FUT8: variants seen among roughly 807,000 people sequenced by gnomAD.
FUT8 encodes alpha-(1,6)-fucosyltransferase.
FUT8 carries 29 observed loss-of-function variants against 71.3 expected under a neutral mutation model. That is an observed-to-expected ratio of 0.41 (90% confidence interval 0.30 to 0.55). FUT8 has a LOEUF of 0.55. FUT8 is among the 20% of genes least tolerant of loss of function. The pLI, the probability that FUT8 is intolerant of heterozygous loss-of-function variation, is 0.34. For missense variants in FUT8, 544 were observed against 702.1 expected, an observed-to-expected ratio of 0.77 and a Z score of 2.55; for synonymous variants, 254 against 239.3, an observed-to-expected ratio of 1.06 and a Z score of -0.57.
At chr14:65,641,803 G>A (rs1031855576) in intron 6 of FUT8, among the ~76,000 whole-genome samples, 10 of 142,726 alleles carry the variant, frequency 7.0e-5, no homozygotes, top group African/African-American at 2.6e-4. Flanking sequence ...CTTTTCATAT[G>A]CATATTTTCA....
chr14:65,384,274 G>A, the FUT8 span, among the ~76,000 whole-genome samples: 1 of 151,964 alleles, frequency 6.6e-6, no homozygotes, highest in East Asian at 1.9e-4. The surrounding 1 kb of genome is among the most constrained non-coding windows in gnomAD (Gnocchi z 4.2). Context: ...TTTGAGATAG[G>A]GTCTTGCTCT....
intron 7 of FUT8, among the ~76,000 whole-genome samples, chr14:65,690,926 A>G (rs1893548379): frequency 6.6e-6 from 1 of 151,960 alleles, no homozygotes; most frequent in Non-Finnish European, 1.5e-5. Flanking sequence ...GGGTTTCACC[A>G]TGTTGGCCAG....
intron 3 of FUT8, among the ~76,000 whole-genome samples, chr14:65,614,297 A>G (rs1889168161): frequency 6.6e-6 from 1 of 152,228 alleles, no homozygotes; most frequent in African/African-American, 2.4e-5. Context: ...ATTTATTGCC[A>G]GACACTGCTA....
At chr14:65,488,929 A>G (rs2066446261) in intron 2 of FUT8, among the ~76,000 whole-genome samples, 1 of 150,634 alleles carries the variant, frequency 6.6e-6, no homozygotes, top group Non-Finnish European at 1.5e-5. Flanking sequence ...ACCAACTTGA[A>G]TAGAAAAAAA....
chr14:65,577,899 A>G (rs1886878772), intron 3 of FUT8, among the ~76,000 whole-genome samples: 1 of 152,134 alleles, frequency 6.6e-6, no homozygotes, highest in Non-Finnish European at 1.5e-5. Context: ...TTTAAAACTG[A>G]TGCTTCTAAA....
At chr14:65,735,341 A>G (rs1170165658) in intron 10 of FUT8, among the ~76,000 whole-genome samples, 1 of 152,048 alleles carries the variant, frequency 6.6e-6, no homozygotes, top group African/African-American at 2.4e-5. Flanking sequence ...GCTTGAGGAG[A>G]ATATTGTTCT....
At chr14:65,508,371 A>G (rs1406538845) in intron 2 of FUT8, among the ~76,000 whole-genome samples, 1 of 151,308 alleles carries the variant, frequency 6.6e-6, no homozygotes, top group Non-Finnish European at 1.5e-5. Context: ...TGCCCGGCCG[A>G]ACACTTTTTC....
the FUT8 span, among the ~76,000 whole-genome samples, chr14:65,399,315 T>TA: frequency 1.5e-4 from 22 of 149,154 alleles, no homozygotes; most frequent in African/African-American, 4.7e-4. Flanking sequence ...AGACTCCATC[T>TA]AAAAAAAAAA....
intron 2 of FUT8, among the ~76,000 whole-genome samples, chr14:65,548,755 G>T (rs561322451): frequency 6.6e-6 from 1 of 152,074 alleles, no homozygotes; most frequent in Non-Finnish European, 1.5e-5. Context: ...TAAAAATTTT[G>T]CTGTGTGCAA....
At chr14:65,629,829 TACACACAC>T (rs3079115) in intron 6 of FUT8, among the ~76,000 whole-genome samples, 36 of 148,098 alleles carry the variant, frequency 2.4e-4, no homozygotes, top group East Asian at 3.9e-4. Context: ...CTTACACACG[TACACACAC>T]ACACACACAC....
At chr14:65,407,509 C>T (rs976183502), upstream of FUT8, among the ~76,000 whole-genome samples, 1 of 152,070 alleles carries the variant, frequency 6.6e-6, no homozygotes, top group African/African-American at 2.4e-5. Flanking sequence ...GCTATGGTTG[C>T]CCAGCCTGGT....
intron 8 of FUT8, 64 bp downstream of exon 8, chr14:65,722,085 AT>A: frequency 1.3e-6 from 2 of 1,561,210 alleles, no homozygotes; most frequent in Non-Finnish European, 1.7e-6. Flanking sequence ...TATCTTTACA[AT>A]ATATTGTGAA....
At chr14:65,378,114 T>C in the FUT8 span, among the ~76,000 whole-genome samples, 1 of 152,250 alleles carries the variant, frequency 6.6e-6, no homozygotes, top group Non-Finnish European at 1.5e-5. Context: ...ACTGTAATTC[T>C]ACAACTCTTA....
intron 7 of FUT8, among the ~76,000 whole-genome samples, chr14:65,717,523 G>A: frequency 8.3e-6 from 1 of 120,730 alleles, no homozygotes; most frequent in East Asian, 2.6e-4. Context: ...CCCAGACGAA[G>A]GGCGGCCGGG....
the FUT8 span, among the ~76,000 whole-genome samples, chr14:65,369,100 T>G: frequency 7.9e-5 from 12 of 152,236 alleles, no homozygotes; most frequent in African/African-American, 2.7e-4. The surrounding 1 kb of genome is among the most constrained non-coding windows in gnomAD (Gnocchi z 4.6). Context: ...ATATTTTACG[T>G]GTAGAGCACT....
At chr14:65,594,000 G>A (rs1887829505) in intron 3 of FUT8, among the ~76,000 whole-genome samples, 1 of 152,220 alleles carries the variant, frequency 6.6e-6, no homozygotes, top group African/African-American at 2.4e-5. Flanking sequence ...ATGAGCCACT[G>A]CTCCCGGCCT....
At chr14:65,385,107 C>T in the FUT8 span, among the ~76,000 whole-genome samples, 13 of 151,576 alleles carry the variant, frequency 8.6e-5, no homozygotes, top group South Asian at 2.1e-3. Context: ...TTATGTTGGT[C>T]GGGCTGGTCT....
chr14:65,462,973 C>G (rs1355698679), intron 2 of FUT8, among the ~76,000 whole-genome samples: 1 of 152,172 alleles, frequency 6.6e-6, no homozygotes, highest in African/African-American at 2.4e-5. Flanking sequence ...CTGTATGTAG[C>G]CCTTCCATCA....
the FUT8 span, among the ~76,000 whole-genome samples, chr14:65,397,831 C>T: frequency 6.6e-6 from 1 of 152,168 alleles, no homozygotes; most frequent in Non-Finnish European, 1.5e-5. This position sits in a 1 kb window ranked among gnomAD's most constrained non-coding sequence, Gnocchi z 4.2. Context: ...GTGTTTTGGT[C>T]TTTATTTAGA....
Sources: gnomAD v4.1 joint callset for allele counts (sites outside exome capture counted in the v4.1 genomes callset) on GRCh38, gnomAD v4.1.1 for gene constraint, Gnocchi (gnomAD v3.1) non-coding constraint, MANE v1.5 for transcripts, NCBI Gene and HGNC (gene_info 2026-07-23, HGNC 2026-07-21) for gene names.